Variants in GAB4 observed in about 807,000 individuals in gnomAD.
GAB4 encodes GRB2 associated binding protein family member 4, also known as GRB2-associated-binding protein 4.
Under a neutral mutation model 51.3 loss-of-function variants are expected in GAB4, and 26 were observed. The observed-to-expected ratio is 0.51, with a 90% CI of 0.37 to 0.70. The LOEUF (loss-of-function observed/expected upper bound fraction) is 0.70. GAB4 is among the 30% of genes least tolerant of loss of function. The pLI is 0.00. For missense variants in GAB4, 759 were observed against 734.6 expected (o/e 1.03, Z -0.38); for synonymous variants, 329 against 291.2 (o/e 1.13, Z -1.32).
intron 5 of GAB4, among the ~76,000 whole-genome samples, chr22:16,967,783 T>C (rs2060692550): frequency 6.6e-6 from 1 of 152,198 alleles, no homozygotes; most frequent in South Asian, 2.1e-4. Context: ...CTTGGAGAAC[T>C]GTGGTTACCC....
chr22:16,991,821 G>T, intron 2 of GAB4, 52 bp downstream of exon 2: 1 of 1,436,126 alleles, frequency 7.0e-7, no homozygotes, highest in Non-Finnish European at 9.6e-7. Context: ...GCTGGAGATT[G>T]GAGGGCCTCA....
Position 16,968,334 on chromosome 22 carries a change from AGGCCGGC to A in GAB4, c.980_986del (p.Ser327MetfsTer34), listed in dbSNP as rs778168831. The A allele has an allele frequency of 1.2e-6, 2 of 1,614,090 alleles. No individual in the cohort carries two copies. Among genetic ancestry groups the A allele is most frequent in the South Asian group, 2.2e-5 (2 of 91,082 alleles). Reference sequence around the variant, plus strand: ...AGACTCCCTCATGCATGGACTCAGCAGGCCGGCTGGCATTCCCTCCACCATGCTGGGT... The same window carrying A: ...AGACTCCCTCATGCATGGACTCAGCATGGCATTCCCTCCACCATGCTGGGT... On this transcript the variant is annotated frameshift_variant, in exon 5 of 10. Coordinates refer to ENST00000400588, the MANE Select transcript of GAB4 (RefSeq NM_001037814.1). LOFTEE classifies it high-confidence loss of function.
rs1453249766 is a variant in GAB4 at position 16,966,372 on chromosome 22, GA to G, written c.1024-9del. On this transcript the variant is annotated splice_polypyrimidine_tract_variant and intron_variant, in intron 5 of 9. Transcript: ENST00000400588. Reference sequence around the variant, plus strand: ...CACAAGCGTTCTTCCTGGCTAGGAAGAGGACAGTGAAAGAAACACAGCTATC... The same window carrying G: ...CACAAGCGTTCTTCCTGGCTAGGAAGGGACAGTGAAAGAAACACAGCTATC... The G allele has an allele frequency of 5.6e-6, 9 of 1,605,900 alleles. No homozygotes were observed. Among genetic ancestry groups the G allele is most frequent in the Non-Finnish European group, 7.7e-6 (9 of 1,174,558 alleles).
At chr22:16,975,366 C>T (rs1176708296) in intron 3 of GAB4, among the ~76,000 whole-genome samples, 1 of 152,178 alleles carries the variant, frequency 6.6e-6, no homozygotes, top group Admixed American at 6.5e-5. Context: ...AGGCGGTTTT[C>T]CCCTCATAGT....
chr22:16,989,746 C>T (rs139417990), intron 2 of GAB4, among the ~76,000 whole-genome samples: 2 of 152,338 alleles, frequency 1.3e-5, no homozygotes, highest in Non-Finnish European at 2.9e-5. Context: ...TCTGCTGAGC[C>T]TCTGCTCCTG....
At chr22:16,971,112 T>C (rs1306268985) in intron 3 of GAB4, among the ~76,000 whole-genome samples, 1 of 152,146 alleles carries the variant, frequency 6.6e-6, no homozygotes, top group Non-Finnish European at 1.5e-5. Context: ...GAGTATGGCT[T>C]GAGCCCAGGA....
intron 3 of GAB4, among the ~76,000 whole-genome samples, chr22:16,971,428 T>A (rs1271040691): frequency 6.6e-6 from 1 of 152,252 alleles, no homozygotes; most frequent in African/African-American, 2.4e-5. Context: ...GTTTTGGAAC[T>A]GGGTTCTACG....
chr22:16,962,883 G>T lies in GAB4; in HGVS notation c.1582-7C>A. The T allele has an allele frequency of 4.3e-6, 7 of 1,610,498 alleles. No homozygotes were observed. The highest frequency in any genetic ancestry group is 5.9e-6 in the Non-Finnish European group (7 of 1,177,732). ...TGACAGAGCCTATGGATGGCTGAGG[G>T]ACAGAGGGTGGAAGTGGGAGTGGCA... On this transcript the variant is annotated splice_region_variant and splice_polypyrimidine_tract_variant and intron_variant, in intron 9 of 9. Coordinates refer to ENST00000400588, the MANE Select transcript of GAB4 (RefSeq NM_001037814.1).
chr22:17,002,515 ATGAAGATACTGCACCAACAGG>A (rs1471914806), intron 1 of GAB4, among the ~76,000 whole-genome samples: 1 of 152,176 alleles, frequency 6.6e-6, no homozygotes, highest in Non-Finnish European at 1.5e-5. Flanking sequence ...CACCGACAGG[ATGAAGATACTGCACCAACAGG>A]CAAAATAACC....
chr22:16,985,916 A>G (rs1402651607), intron 3 of GAB4, among the ~76,000 whole-genome samples: 1 of 152,270 alleles, frequency 6.6e-6, no homozygotes, highest in Non-Finnish European at 1.5e-5. Flanking sequence ...CATAACATCC[A>G]GAACATCTTA....
chr22:16,987,187 C>G (rs1041715685), intron 3 of GAB4, among the ~76,000 whole-genome samples: 4 of 152,232 alleles, frequency 2.6e-5, no homozygotes, highest in African/African-American at 9.6e-5. Flanking sequence ...TATTTCTAAA[C>G]TAACAAACCA....
In GAB4 at chr22:17,008,184, G is replaced by GGA. The variant is rs1472457024; in HGVS notation, c.-72_-71dup. The stretch of plus-strand genomic sequence containing the variant: ...GGCGTTGCTGGAGGTGGGGTGTGAG[G>GGA]GACGGCTTGCGATACCCTGGGACTG... On this transcript the variant is annotated 5_prime_UTR_variant, in exon 1 of 10. Transcript: ENST00000400588. The GGA allele has an allele frequency of 2.6e-6, 3 of 1,152,890 alleles. No individual in the cohort carries two copies. Among genetic ancestry groups the GGA allele is most frequent in the Non-Finnish European group, 3.8e-6 (3 of 799,186 alleles). 71.4% of individuals were successfully genotyped at this position (1,152,890 alleles called of 1,614,324 possible).
intron 3 of GAB4, among the ~76,000 whole-genome samples, chr22:16,972,688 C>T (rs2060742153): frequency 6.6e-6 from 1 of 152,138 alleles, no homozygotes; most frequent in African/African-American, 2.4e-5. Flanking sequence ...GTTACCCACA[C>T]TCTCACTCAA....
At chr22:16,963,867 A>G in intron 8 of GAB4, 38 bp from the exon 9 acceptor site, 1 of 1,528,626 alleles carries the variant, frequency 6.5e-7, no homozygotes. Flanking sequence ...AAATGAGTTC[A>G]GGACACAGAC....
At chr22:16,978,201 T>C (rs1364248530) in intron 3 of GAB4, among the ~76,000 whole-genome samples, 7 of 151,932 alleles carry the variant, frequency 4.6e-5, no homozygotes, top group African/African-American at 7.3e-5. Context: ...CTGAAGGATA[T>C]AGAGACACAA....
chr22:16,974,558 T>C (rs1282530424), intron 3 of GAB4, among the ~76,000 whole-genome samples: 1 of 152,240 alleles, frequency 6.6e-6, no homozygotes, highest in Admixed American at 6.5e-5. Context: ...CATGTGGGGC[T>C]GTCACACCAC....
intron 3 of GAB4, among the ~76,000 whole-genome samples, chr22:16,976,156 C>T (rs1246540832): frequency 1.3e-5 from 2 of 152,248 alleles, no homozygotes; most frequent in East Asian, 1.9e-4. Context: ...GGGAACAAAA[C>T]TGCACAGAGA....
Position 16,991,916 on chromosome 22 carries a change from C to G in GAB4, c.435G>C (p.Gln145His). Residue 145 changes from glutamine to histidine, a missense_variant, in exon 2 of 10, where the codon CAG becomes CAC. By Grantham distance (24) the Gln-to-His change is conservative (BLOSUM62 0). This residue lies in a region of GAB4 where 88 missense variants were observed against 151.3 expected (regional missense o/e 0.58). Coordinates refer to ENST00000400588, the MANE Select transcript of GAB4 (RefSeq NM_001037814.1). ...TGAAGCCACAGATCTGACAGATGCT[C>G]TGGACCCACTCATTCATGTCCTCCC... ...ETREDMNEWV[Q>H]SICQICGFRQ... is the part of the protein sequence containing the mutation. 1.9e-6 allele frequency: 3 copies of G among 1,614,170 alleles called. No homozygotes were observed. The highest frequency in any genetic ancestry group is 2.2e-5 in the East Asian group (1 of 44,874).
At chr22:16,971,000 A>G (rs990034124) in intron 3 of GAB4, among the ~76,000 whole-genome samples, 3 of 151,922 alleles carry the variant, frequency 2.0e-5, no homozygotes, top group African/African-American at 7.3e-5. Context: ...GTTCGAGACC[A>G]GCCTGGACAA....
Sources: allele counts gnomAD v4.1 joint callset (sites outside exome capture counted in the v4.1 genomes callset), GRCh38; gene constraint gnomAD v4.1.1; regional missense constraint gnomAD v4.1.1; transcripts MANE v1.5; gene names NCBI Gene and HGNC (gene_info 2026-07-23, HGNC 2026-07-21).